UTRN: variants seen among roughly 807,000 people sequenced by gnomAD.
UTRN encodes the protein utrophin, also known as dystrophin-related protein 1.
A neutral mutation model predicts 463.9 loss-of-function variants in UTRN; 283 were observed. That is an observed-to-expected ratio of 0.61 (90% CI 0.55 to 0.67). UTRN has a LOEUF of 0.67. Ranked by LOEUF, UTRN falls within the 30% of genes least tolerant of loss-of-function variation. The pLI, the probability that UTRN is intolerant of heterozygous loss-of-function variation, is 0.00. For synonymous variants in UTRN, 1,442 were observed against 1,431.5 expected (o/e 1.01, Z -0.17); for missense variants, 3,922 against 4,084.3 (o/e 0.96, Z 1.08).
At chr6:144,602,633 G>T (rs1804380365) in intron 51 of UTRN, among the ~76,000 whole-genome samples, 1 of 152,110 alleles carries the variant, frequency 6.6e-6, no homozygotes, top group Non-Finnish European at 1.5e-5. Context: ...ATTAATAAAG[G>T]AACAAATGTT....
At chr6:144,819,741 T>C (rs1037898838) in intron 65 of UTRN, among the ~76,000 whole-genome samples, 1 of 152,158 alleles carries the variant, frequency 6.6e-6, no homozygotes, top group African/African-American at 2.4e-5. Flanking sequence ...CTGTGAGTCC[T>C]GGGCATGCAT....
At chr6:144,380,256 G>C (rs552039694) in intron 2 of UTRN, among the ~76,000 whole-genome samples, 10 of 151,996 alleles carry the variant, frequency 6.6e-5, no homozygotes, top group Non-Finnish European at 1.5e-4. Context: ...AATGTGCACT[G>C]TAATAAAAAC....
At chr6:144,695,332 T>C (rs1397364489) in intron 52 of UTRN, among the ~76,000 whole-genome samples, 1 of 151,976 alleles carries the variant, frequency 6.6e-6, no homozygotes, top group Non-Finnish European at 1.5e-5. Flanking sequence ...TCTCTTTGGA[T>C]AGCCATGATT....
chr6:144,636,682 T>C (rs1401207702), intron 51 of UTRN, among the ~76,000 whole-genome samples: 1 of 152,220 alleles, frequency 6.6e-6, no homozygotes, highest in African/African-American at 2.4e-5. Context: ...TTGCAGACAT[T>C]GTAATAGTCA....
chr6:144,531,996 G>A (rs1191582732), intron 42 of UTRN, among the ~76,000 whole-genome samples: 1 of 152,054 alleles, frequency 6.6e-6, no homozygotes, highest in Non-Finnish European at 1.5e-5. Context: ...AATTAGCCGG[G>A]CATGGTGGAA....
chr6:144,388,621 C>A (rs187628519), intron 2 of UTRN, among the ~76,000 whole-genome samples: 2 of 152,050 alleles, frequency 1.3e-5, no homozygotes, highest in African/African-American at 4.8e-5. Context: ...ACCTCAGCCA[C>A]CTGAGTAGCT....
chr6:144,737,565 A>G (rs1586304083), intron 54 of UTRN, among the ~76,000 whole-genome samples: 1 of 152,206 alleles, frequency 6.6e-6, no homozygotes, highest in African/African-American at 2.4e-5. Flanking sequence ...TTCTTCCAAA[A>G]TGGTAACCAT....
intron 54 of UTRN, among the ~76,000 whole-genome samples, chr6:144,733,620 T>A (rs1354434123): frequency 6.6e-6 from 1 of 152,186 alleles, no homozygotes; most frequent in Non-Finnish European, 1.5e-5. Context: ...CTTCCTTGAA[T>A]GATTTTGGAA....
At chr6:144,447,135 G>A (rs1787773602) in intron 14 of UTRN, 76 bp from the exon 15 acceptor site, 1 of 1,379,148 alleles carries the variant, frequency 7.3e-7, no homozygotes, top group Non-Finnish European at 1.0e-6. Flanking sequence ...ATAAAAGTTA[G>A]AAATTTGGAT....
intron 3 of UTRN, among the ~76,000 whole-genome samples, chr6:144,404,647 G>A (rs1783223231): frequency 6.6e-6 from 1 of 152,178 alleles, no homozygotes; most frequent in Non-Finnish European, 1.5e-5. Flanking sequence ...TTTGAAGATT[G>A]TTTTGAAAGC....
intron 63 of UTRN, 191 bp from the exon 64 acceptor site, chr6:144,797,633 C>A: frequency 2.0e-6 from 1 of 495,432 alleles, no homozygotes; most frequent in Non-Finnish European, 3.3e-6. Flanking sequence ...ACAATTTCTG[C>A]TTTTTCTACT....
At chr6:144,544,075 G>A (rs1798202641) in intron 46 of UTRN, among the ~76,000 whole-genome samples, 1 of 152,180 alleles carries the variant, frequency 6.6e-6, no homozygotes. Flanking sequence ...TGGTAAAGGA[G>A]CAGGGAAAAT....
At chr6:144,346,780 G>A (rs181657816) in intron 2 of UTRN, among the ~76,000 whole-genome samples, 28 of 152,068 alleles carry the variant, frequency 1.8e-4, no homozygotes, top group Admixed American at 1.2e-3. Flanking sequence ...CTGAGATTGC[G>A]CCACTGCACT....
chr6:144,290,944 T>A (rs643885), intron 1 of UTRN, among the ~76,000 whole-genome samples: 32,797 of 150,456 alleles, frequency 0.22, 4,046 homozygotes, highest in South Asian at 0.41. Flanking sequence ...TTTTTTTTTT[T>A]TTTGTATTTT....
At chr6:144,474,818 C>A in intron 25 of UTRN, 59 bp downstream of exon 25, 1 of 1,552,844 alleles carries the variant, frequency 6.4e-7, no homozygotes, top group South Asian at 1.2e-5. Context: ...TAGCTTCTCT[C>A]AGCTGACTAA....
intron 26 of UTRN, among the ~76,000 whole-genome samples, chr6:144,480,977 C>T (rs1436702052): frequency 6.6e-6 from 1 of 152,008 alleles, no homozygotes; most frequent in Admixed American, 6.6e-5. Context: ...TAAAAATACT[C>T]AGTACATAAG....
intron 2 of UTRN, among the ~76,000 whole-genome samples, chr6:144,375,621 A>T (rs1008616688): frequency 2.6e-5 from 4 of 151,818 alleles, no homozygotes; most frequent in African/African-American, 9.7e-5. Context: ...ATATATCTGT[A>T]CCCTTGTTTG....
At chr6:144,331,253 T>C (rs1776312268) in intron 2 of UTRN, among the ~76,000 whole-genome samples, 2 of 152,192 alleles carry the variant, frequency 1.3e-5, no homozygotes, top group African/African-American at 4.8e-5. Flanking sequence ...ATTAAAAACA[T>C]TTTCTAAATA....
intron 43 of UTRN, among the ~76,000 whole-genome samples, chr6:144,536,514 A>T (rs1171490982): frequency 6.6e-6 from 1 of 151,954 alleles, no homozygotes; most frequent in Non-Finnish European, 1.5e-5. Flanking sequence ...TTTTGTAGTG[A>T]TTTTCATTTT....
Sources: allele counts gnomAD v4.1 joint callset (sites outside exome capture counted in the v4.1 genomes callset), GRCh38; gene constraint gnomAD v4.1.1; transcripts MANE v1.5; gene names NCBI Gene and HGNC (gene_info 2026-07-23, HGNC 2026-07-21).